The following LCOR variants were observed in gnomAD, a reference collection of about 807,000 sequenced individuals.
LCOR encodes ligand-dependent corepressor.
A neutral mutation model predicts 64.4 loss-of-function variants in LCOR; 14 were observed. The observed-to-expected ratio is 0.22, with a 90% CI of 0.14 to 0.34. LCOR has a LOEUF of 0.34. Among genes scored for constraint, LCOR ranks in the 10% least tolerant of loss-of-function variants. The probability of loss-of-function intolerance (pLI) is 1.00; values close to 1 mark genes in which losing one functional copy is unlikely to be tolerated. For missense variants in LCOR, 1,686 were observed against 1,765.3 expected, an observed-to-expected ratio of 0.96 and a Z score of 0.80; for synonymous variants, 643 against 642.5, an observed-to-expected ratio of 1.00 and a Z score of -0.01.
At chr10:96,961,233 CATG>C (rs1847874507) in intron 7 of LCOR, 1 of 152,086 alleles carries the variant, frequency 6.6e-6, no homozygotes, top group Admixed American at 6.5e-5. Flanking sequence ...GACAATAGAA[CATG>C]AGCTAATTCT....
chr10:96,877,948 C>CT (rs979746769), intron 2 of LCOR, among the ~76,000 whole-genome samples: 2 of 152,158 alleles, frequency 1.3e-5, no homozygotes, highest in Non-Finnish European at 2.9e-5. Flanking sequence ...AGCATTTATC[C>CT]TATTACCTAC....
At chr10:96,949,489 A>G (rs1847641941) in intron 6 of LCOR, among the ~76,000 whole-genome samples, 194 bp downstream of exon 6, 1 of 152,238 alleles carries the variant, frequency 6.6e-6, no homozygotes, top group Non-Finnish European at 1.5e-5. Flanking sequence ...TCAGCAGTTC[A>G]TAGTCATGAT....
intron 2 of LCOR, among the ~76,000 whole-genome samples, chr10:96,865,719 C>T (rs751794410): frequency 1.3e-5 from 2 of 151,818 alleles, no homozygotes; most frequent in African/African-American, 4.8e-5. Flanking sequence ...ATTAAAAATA[C>T]AAAAATTAGT....
At chr10:96,938,843 T>C (rs1847397873) in intron 4 of LCOR, among the ~76,000 whole-genome samples, 1 of 152,232 alleles carries the variant, frequency 6.6e-6, no homozygotes, top group Admixed American at 6.5e-5. Context: ...GACTTGTATG[T>C]TGTAAATTAC....
chr10:96,983,231 G>A lies in LCOR; in HGVS notation c.2771G>A (p.Arg924Gln), dbSNP rs1435096582. ...NMLDKEVKEL[R>Q]GEIFPSRDPI... ...CTGGACAAAGAAGTCAAGGAGTTACGAGGAGAGATTTTCCCCAGCAGGGAC... is the reference window on the plus strand; with the variant it reads ...CTGGACAAAGAAGTCAAGGAGTTACAAGGAGAGATTTTCCCCAGCAGGGAC... The change falls in exon 8 of 8, where the codon CGA becomes CAA. Residue 924 changes from arginine (R) to glutamine (Q), a missense_variant. Arg to Gln is a conservative substitution (Grantham distance 43). Around this residue, in one of 3 missense-constraint regions of LCOR, gnomAD observed 1,293 missense variants for 1,410.4 expected, o/e 0.92. Transcript: ENST00000421806. The surrounding 1 kb of genome is among the most constrained non-coding windows in gnomAD (Gnocchi z 4.5). The A allele has an allele frequency of 6.8e-6, 11 of 1,614,168 alleles. No individual in the cohort carries two copies. In the South Asian group the frequency reaches 8.8e-5, roughly 13 times the overall value.
intron 2 of LCOR, among the ~76,000 whole-genome samples, chr10:96,848,892 CTA>C (rs1212214782): frequency 1.3e-4 from 20 of 151,752 alleles, no homozygotes. Context: ...TAATATATTT[CTA>C]TCTTTTCTTT....
At chr10:96,944,079 G>A (rs1479049128) in intron 4 of LCOR, 34 bp from the exon 5 acceptor site, 3 of 984,958 alleles carry the variant, frequency 3.0e-6, no homozygotes, top group African/African-American at 1.7e-5. Context: ...GGGGAAAGAC[G>A]TGTGTGCAAC....
rs775310920 is a variant in LCOR, at chr10:96,981,843, G to A, written c.1383G>A (p.Leu461=). Reference sequence around the variant, plus strand: ...GGAAAAGTAAAAGGGCATCAGGGCTGAGGATAAATGATTATGATAACCAGT... The same window carrying A: ...GGAAAAGTAAAAGGGCATCAGGGCTAAGGATAAATGATTATGATAACCAGT... ...TARKSKRASG[L]RINDYDNQCD... is the part of the protein sequence containing the mutation. Residue 461 remains leucine (L), a synonymous_variant, in exon 8 of 8, where the codon CTG becomes CTA. Transcript: ENST00000421806. The A allele has an allele frequency of 6.2e-7, 1 of 1,614,242 alleles. No individual in the cohort carries two copies. The highest frequency in any genetic ancestry group is 8.5e-7 in the Non-Finnish European group (1 of 1,180,048).
chr10:96,911,702 G>C (rs1377583814), intron 4 of LCOR, among the ~76,000 whole-genome samples: 1 of 152,154 alleles, frequency 6.6e-6, no homozygotes, highest in East Asian at 1.9e-4. Context: ...TTAGGAATCT[G>C]TGAGTGACTG....
At chr10:96,920,243 C>G (rs1383928306) in intron 4 of LCOR, among the ~76,000 whole-genome samples, 6 of 151,374 alleles carry the variant, frequency 4.0e-5, no homozygotes, top group Admixed American at 2.0e-4. Context: ...GTTTGCAGTT[C>G]CCTAGTGATT....
At chr10:96,915,720 C>A in intron 4 of LCOR, 1 of 699,168 alleles carries the variant, frequency 1.4e-6, no homozygotes, top group Non-Finnish European at 2.6e-6. Context: ...TCCTTGCCAG[C>A]ATCAGCTTTT....
At chr10:96,938,159 A>C (rs892865208) in intron 4 of LCOR, among the ~76,000 whole-genome samples, 1 of 152,034 alleles carries the variant, frequency 6.6e-6, no homozygotes, top group African/African-American at 2.4e-5. Flanking sequence ...GGGTCTCCCT[A>C]TGTTGCCCAG....
At chr10:96,980,528 T>C (rs1848074797) in intron 7 of LCOR, among the ~76,000 whole-genome samples, 1 of 152,080 alleles carries the variant, frequency 6.6e-6, no homozygotes, top group Non-Finnish European at 1.5e-5. Flanking sequence ...TTAGAAGCAG[T>C]TTTCGCCAAA....
intron 7 of LCOR, among the ~76,000 whole-genome samples, chr10:96,975,100 G>A (rs925094603): frequency 3.9e-5 from 6 of 152,352 alleles, no homozygotes; most frequent in Middle Eastern, 3.4e-3. Flanking sequence ...GAACCCGGGA[G>A]GTGGCGGTTG....
At chr10:96,957,803 G>T (rs750264087) in intron 7 of LCOR, 35 of 985,504 alleles carry the variant, frequency 3.6e-5, no homozygotes, top group Non-Finnish European at 3.6e-5. Flanking sequence ...GACATAGCTT[G>T]GGTGTGGGTT....
chr10:96,949,689 T>C (rs1037484077), intron 6 of LCOR, among the ~76,000 whole-genome samples: 101 of 152,322 alleles, frequency 6.6e-4, no homozygotes, highest in African/African-American at 2.4e-3. Flanking sequence ...ATGCCTCTAC[T>C]TGCAGGTATA....
rs892613259 is a variant in LCOR at position 96,983,818 on chromosome 10, A to G, written c.3358A>G (p.Lys1120Glu). 3.1e-6 allele frequency: 5 copies of G among 1,614,052 alleles called. No individual in the cohort carries two copies. The highest frequency in any genetic ancestry group is 4.2e-6 in the Non-Finnish European group (5 of 1,180,030). ...LIANFNAQYM[K>E]VQKGWIQLEK... ...CGCCAACTTCAATGCCCAGTACATG[A>G]AAGTTCAGAAGGGCTGGATCCAGTT... Residue 1120 changes from lysine to glutamate, a missense_variant, in exon 8 of 8, where the codon AAA becomes GAA. Lys to Glu is a moderately conservative substitution (Grantham distance 56). Transcript: ENST00000421806. This position sits in a 1 kb window ranked among gnomAD's most constrained non-coding sequence, Gnocchi z 4.5.
At chr10:96,979,941 C>T (rs1468225161) in intron 7 of LCOR, among the ~76,000 whole-genome samples, 1 of 152,124 alleles carries the variant, frequency 6.6e-6, no homozygotes, top group East Asian at 1.9e-4. Flanking sequence ...CTCAGGAGTT[C>T]GAGACCAGCC....
At chr10:96,880,416 T>C (rs1206998594) in intron 2 of LCOR, among the ~76,000 whole-genome samples, 1 of 152,124 alleles carries the variant, frequency 6.6e-6, no homozygotes, top group Non-Finnish European at 1.5e-5. Context: ...TGTTTTGTTT[T>C]GGGAAGAGTC....
Sources: gnomAD v4.1 joint callset for allele counts (sites outside exome capture counted in the v4.1 genomes callset) on GRCh38, gnomAD v4.1.1 for gene constraint, gnomAD v4.1.1 regional missense constraint, Gnocchi (gnomAD v3.1) non-coding constraint, MANE v1.5 for transcripts, NCBI Gene and HGNC (gene_info 2026-07-23, HGNC 2026-07-21) for gene names.